Variants in RNF144B observed in about 807,000 individuals in gnomAD.
RNF144B encodes ring finger protein 144B, also known as E3 ubiquitin-protein ligase RNF144B.
In RNF144B, 25 loss-of-function variants were observed where a neutral mutation model predicts 40.2. That is an observed-to-expected ratio of 0.62 (90% CI 0.45 to 0.87). The LOEUF is 0.87. Among genes scored for constraint, RNF144B ranks in the 40% least tolerant of loss-of-function variants. RNF144B has a pLI of 0.00. For synonymous variants in RNF144B, 145 were observed against 136.3 expected, an observed-to-expected ratio of 1.06 and a Z score of -0.44; for missense variants, 365 against 373.7, an observed-to-expected ratio of 0.98 and a Z score of 0.19.
At position 18,446,906 on chromosome 6, in the gene RNF144B, C is replaced by G. The variant is rs1364849882; in HGVS notation, c.331+7162C>G. 5.3e-5 allele frequency among the ~76,000 whole-genome samples: 8 copies of G among 150,246 alleles called. No individual in the cohort carries two copies. Among genetic ancestry groups the G allele is most frequent in the African/African-American group, 2.0e-4 (8 of 40,392 alleles). On this transcript the variant is annotated intron_variant, in intron 4 of 7. Transcript: ENST00000259939. This position sits in a 1 kb window ranked among gnomAD's most constrained non-coding sequence, Gnocchi z 4.7. Reference sequence around the variant, plus strand: ...GTGTGTTGTGTGTTTGTTGGCTCAACAAATATGTCAGGACATCTCCATGAC... The same window carrying G: ...GTGTGTTGTGTGTTTGTTGGCTCAAGAAATATGTCAGGACATCTCCATGAC...
intron 1 of RNF144B, among the ~76,000 whole-genome samples, chr6:18,392,788 T>C (rs1228036638): frequency 6.6e-6 from 1 of 152,168 alleles, no homozygotes; most frequent in Non-Finnish European, 1.5e-5. Context: ...GGTTTGTTTA[T>C]GCTAGAGGAT....
intron 3 of RNF144B, among the ~76,000 whole-genome samples, chr6:18,429,501 T>G (rs1420654286): frequency 6.6e-6 from 1 of 152,152 alleles, no homozygotes; most frequent in African/African-American, 2.4e-5. Flanking sequence ...AGATATAACG[T>G]TTTTTAGGGA....
At chr6:18,455,788 A>G (rs571971954) in intron 4 of RNF144B, among the ~76,000 whole-genome samples, 11 of 152,124 alleles carry the variant, frequency 7.2e-5, no homozygotes, top group Admixed American at 1.3e-4. Context: ...CTCCAACTCT[A>G]TCTTCTTTCC....
intron 1 of RNF144B, 67 bp from the exon 2 acceptor site, chr6:18,399,432 A>C: frequency 8.8e-7 from 1 of 1,142,852 alleles, no homozygotes; most frequent in Non-Finnish European, 1.2e-6. Flanking sequence ...GCTGGCCTCC[A>C]GACGTGTTGG....
Position 18,441,257 on chromosome 6 carries a change from T to C in RNF144B, c.331+1513T>C, listed in dbSNP as rs2113517145. ...TCAATTATAATTAGAACATGGACAT[T>C]CCCAGTATTCACCCTGTGGATGCCT... On this transcript the variant is annotated intron_variant, in intron 4 of 7. Coordinates refer to ENST00000259939, the MANE Select transcript of RNF144B (RefSeq NM_182757.4). The surrounding 1 kb of genome is among the most constrained non-coding windows in gnomAD (Gnocchi z 4.9). 6.6e-6 allele frequency among the ~76,000 whole-genome samples: 1 copy of C among 152,296 alleles called. No homozygotes were observed. Among genetic ancestry groups the C allele is most frequent in the Non-Finnish European group, 1.5e-5 (1 of 68,016 alleles).
In RNF144B at chr6:18,406,232, G is replaced by T; in HGVS notation, c.165+6533G>T. On this transcript the variant is annotated intron_variant, in intron 2 of 7. Transcript: ENST00000259939. This position sits in a 1 kb window ranked among gnomAD's most constrained non-coding sequence, Gnocchi z 4.2. ...TGCTATGGAAAAATAGGGTGAGGGGGGTCAGGAGTGCTGTGGGGAAGAGGG... is the reference window on the plus strand; with the variant it reads ...TGCTATGGAAAAATAGGGTGAGGGGTGTCAGGAGTGCTGTGGGGAAGAGGG... 2 of 501,904 alleles carry T rather than the reference G, an allele frequency of 4.0e-6. No homozygotes were observed. Among genetic ancestry groups the T allele is most frequent in the South Asian group, 1.4e-5 (1 of 69,160 alleles). 31.1% of individuals were successfully genotyped at this position (501,904 alleles called of 1,614,324 possible).
rs147051736 is a variant in RNF144B at position 18,444,151 on chromosome 6, C to T, written c.331+4407C>T. ...TTGTCCTTTATGTCTTTAAGTCTGA[C>T]GGAAAATATTTTGAATAGGATTGCA... On this transcript the variant is annotated intron_variant, in intron 4 of 7. Coordinates refer to ENST00000259939, the MANE Select transcript of RNF144B (RefSeq NM_182757.4). The surrounding 1 kb of genome is among the most constrained non-coding windows in gnomAD (Gnocchi z 4.3). Among the ~76,000 whole-genome samples, 8 of 152,234 alleles carry T rather than the reference C, an allele frequency of 5.3e-5. No homozygotes were observed. The East Asian group carries it at 1.2e-3, about 22-fold the overall frequency.
At chr6:18,427,810 A>G in intron 3 of RNF144B, 125 bp downstream of exon 3, 1 of 635,544 alleles carries the variant, frequency 1.6e-6, no homozygotes. Context: ...TTTTTAAAGG[A>G]GCACTTTATT....
intron 1 of RNF144B, among the ~76,000 whole-genome samples, chr6:18,392,804 C>A (rs1451717562): frequency 6.6e-6 from 1 of 152,064 alleles, no homozygotes; most frequent in East Asian, 1.9e-4. Flanking sequence ...AGGATATTTT[C>A]TAATCTATTT....
At chr6:18,430,369 G>A (rs1458313115) in intron 3 of RNF144B, among the ~76,000 whole-genome samples, 2 of 152,222 alleles carry the variant, frequency 1.3e-5, no homozygotes, top group Non-Finnish European at 2.9e-5. Flanking sequence ...AGTATCTAAT[G>A]TAAGGGGCCA....
chr6:18,465,004 A>T lies in RNF144B; in HGVS notation c.849A>T (p.Ile283=). ...SPLLLLASPC[I]ICCVCKSCRG... ...TGTTACTCCTGGCCTCCCCATGTAT[A>T]ATCTGTTGTGTCTGCAAGTCCTGTC... Residue 283 remains isoleucine (I), a synonymous_variant, in exon 8 of 8, where the codon ATA becomes ATT. Transcript: ENST00000259939. 6.2e-7 allele frequency: 1 copy of T among 1,613,856 alleles called. No homozygotes were observed. The highest frequency in any genetic ancestry group is 8.5e-7 in the Non-Finnish European group (1 of 1,179,940).
rs575228228 is a variant in RNF144B, at chr6:18,422,833, C to T, written c.166-4748C>T. 2.6e-5 allele frequency among the ~76,000 whole-genome samples: 4 copies of T among 152,072 alleles called. No individual in the cohort carries two copies. The South Asian group carries it at 8.3e-4, about 32-fold the overall frequency. On this transcript the variant is annotated intron_variant, in intron 2 of 7. Transcript: ENST00000259939. The surrounding 1 kb of genome is among the most constrained non-coding windows in gnomAD (Gnocchi z 4.7). ...AATAGTCGAGTGTAGTGGCAGGCATCTGTAGCCTCAGCTACTGAGGAGCTG... is the reference window on the plus strand; with the variant it reads ...AATAGTCGAGTGTAGTGGCAGGCATTTGTAGCCTCAGCTACTGAGGAGCTG...
At position 18,466,220 on chromosome 6, in the gene RNF144B, C is replaced by T. The variant is rs947653373; in HGVS notation, c.*1153C>T. ...CATAACTTACCCAAGGGTATAGACT[C>T]ATAACTCTTTTAAAACAGTGCTTAG... On this transcript the variant is annotated 3_prime_UTR_variant, in exon 8 of 8. Coordinates refer to ENST00000259939, the MANE Select transcript of RNF144B (RefSeq NM_182757.4). 1.3e-5 allele frequency: 2 copies of T among 151,976 alleles called. No individual in the cohort carries two copies. Among genetic ancestry groups the T allele is most frequent in the African/African-American group, 2.4e-5 (1 of 41,264 alleles). 9.4% of individuals were successfully genotyped at this position (151,976 alleles called of 1,614,324 possible). A position where few individuals can be genotyped will look rare whatever the true frequency, so the allele number is the denominator to read the frequency against.
At chr6:18,429,341 A>G (rs1758640696) in intron 3 of RNF144B, among the ~76,000 whole-genome samples, 1 of 133,576 alleles carries the variant, frequency 7.5e-6, no homozygotes, top group African/African-American at 2.5e-5. Flanking sequence ...TATACTGTAC[A>G]TGCTTTGTTT....
Position 18,419,283 on chromosome 6 carries a change from C to T in RNF144B, c.166-8298C>T, listed in dbSNP as rs369476461. Among the ~76,000 whole-genome samples the T allele has an allele frequency of 8.5e-5, 13 of 152,100 alleles. 1 individual carries two copies. In the East Asian group the frequency reaches 2.1e-3, roughly 25 times the overall value. On this transcript the variant is annotated intron_variant, in intron 2 of 7. Coordinates refer to ENST00000259939, the MANE Select transcript of RNF144B (RefSeq NM_182757.4). The surrounding 1 kb of genome is among the most constrained non-coding windows in gnomAD (Gnocchi z 4.6). ...TCCCATATCTTCCAGTGTTTCTTGT[C>T]CATAAAAACATACCAGGCTTAGATC...
Position 18,418,597 on chromosome 6 carries a change from A to T in RNF144B, c.166-8984A>T, listed in dbSNP as rs1795192722. On this transcript the variant is annotated intron_variant, in intron 2 of 7. Transcript: ENST00000259939. This position sits in a 1 kb window ranked among gnomAD's most constrained non-coding sequence, Gnocchi z 5.2. The stretch of plus-strand genomic sequence containing the variant: ...TCTGGGGGAGAAATGGGGAGCATGT[A>T]CTAATGGGCACAGAGTTTCTTTTGG... 6.6e-6 allele frequency among the ~76,000 whole-genome samples: 1 copy of T among 152,178 alleles called. No individual in the cohort carries two copies. The highest frequency in any genetic ancestry group is 2.1e-4 in the South Asian group (1 of 4,826).
chr6:18,427,771 G>A (rs764743500), intron 3 of RNF144B, 86 bp downstream of exon 3: 19 of 889,270 alleles, frequency 2.1e-5, no homozygotes, highest in Non-Finnish European at 3.4e-5. Flanking sequence ...CCCTACCAGG[G>A]AGTCTAGCAA....
At chr6:18,409,400 A>C (rs1262232726) in intron 2 of RNF144B, among the ~76,000 whole-genome samples, 1 of 142,278 alleles carries the variant, frequency 7.0e-6, no homozygotes, top group African/African-American at 2.5e-5. Context: ...AAAAAAAAAA[A>C]AAACCCTGGA....
At chr6:18,437,328 A>G (rs181488353) in intron 3 of RNF144B, among the ~76,000 whole-genome samples, 52 of 152,230 alleles carry the variant, frequency 3.4e-4, no homozygotes, top group African/African-American at 1.2e-3. Context: ...AGTCTCAGCT[A>G]CTTGAGAGGC....
Sources: allele counts gnomAD v4.1 joint callset (sites outside exome capture counted in the v4.1 genomes callset), GRCh38; gene constraint gnomAD v4.1.1; non-coding constraint Gnocchi (gnomAD v3.1); transcripts MANE v1.5; gene names NCBI Gene and HGNC (gene_info 2026-07-23, HGNC 2026-07-21).